The following SLC3A2 variants were observed in gnomAD, a reference collection of about 807,000 sequenced individuals.
The protein encoded by SLC3A2 is solute carrier family 3 member 2.
A neutral mutation model predicts 48.5 loss-of-function variants in SLC3A2; 32 were observed. The ratio of observed to expected loss-of-function variants is 0.66; its 90% CI spans 0.50 to 0.89. The LOEUF (loss-of-function observed/expected upper bound fraction) is 0.89, where lower values mean the gene tolerates loss of function less well. SLC3A2 is among the 40% of genes least tolerant of loss of function. The pLI, the probability that SLC3A2 is intolerant of heterozygous loss-of-function variation, is 0.00. For missense variants in SLC3A2, 587 were observed against 680.7 expected, an observed-to-expected ratio of 0.86 and a Z score of 1.53; for synonymous variants, 277 against 288.8, an observed-to-expected ratio of 0.96 and a Z score of 0.41.
chr11:62,863,994 G>C (rs761851324), intron 1 of SLC3A2, among the ~76,000 whole-genome samples: 3 of 152,142 alleles, frequency 2.0e-5, no homozygotes, highest in Non-Finnish European at 4.4e-5. Flanking sequence ...TCCTAGACTT[G>C]ATGCAGAGCC....
chr11:62,868,958 G>T (rs1590622502), intron 1 of SLC3A2, among the ~76,000 whole-genome samples: 1 of 152,004 alleles, frequency 6.6e-6, no homozygotes, highest in East Asian at 2.0e-4. Flanking sequence ...GAGTGCAGTG[G>T]TGTGATTTCA....
intron 3 of SLC3A2, chr11:62,883,409 G>A (rs2085668318): frequency 5.0e-6 from 1 of 201,728 alleles, no homozygotes; most frequent in East Asian, 1.1e-4. Context: ...CTATGTGTCT[G>A]GGACTCTATG....
At chr11:62,885,124 C>T in intron 5 of SLC3A2, 53 bp from the exon 6 acceptor site, 20 of 1,593,160 alleles carry the variant, frequency 1.3e-5, no homozygotes, top group Non-Finnish European at 1.5e-5. Flanking sequence ...AGCCACTGCG[C>T]CTGGCCCCAT....
chr11:62,888,191 G>T lies in SLC3A2; in HGVS notation c.1200G>T (p.Gly400=). 2.5e-6 allele frequency: 4 copies of T among 1,614,062 alleles called. No homozygotes were observed. Among genetic ancestry groups the T allele is most frequent in the Non-Finnish European group, 3.4e-6 (4 of 1,180,004 alleles). The stretch of plus-strand genomic sequence containing the variant: ...AGTCCAGCTTCCCTGACATCCCAGG[G>T]GCTGTAAGTGCCAACATGACTGTGA... The part of the protein sequence containing the change: ...WDESSFPDIP[G]AVSANMTVKG... The change falls in exon 8 of 9, where the codon GGG becomes GGT. Residue 400 remains glycine (G), a synonymous_variant. Transcript: ENST00000338663.
In SLC3A2 at chr11:62,881,950, G is replaced by C; in HGVS notation, c.482G>C (p.Gly161Ala). The C allele has an allele frequency of 6.2e-7, 1 of 1,614,122 alleles. No individual in the cohort carries two copies. Among genetic ancestry groups the C allele is most frequent in the Non-Finnish European group, 8.5e-7 (1 of 1,180,032 alleles). The change falls in exon 2 of 9, where the codon GGT becomes GCT. Residue 161 changes from glycine to alanine, a missense_variant. Physicochemically the swap from Gly to Ala is moderately conservative, Grantham distance 60. Transcript: ENST00000338663. The surrounding 1 kb of genome is among the most constrained non-coding windows in gnomAD (Gnocchi z 4.0). ...CTGAAGGTGAAGGGCCTTGTGCTGGGTCCAATTCACAAGAACCAGAAGGAT... is the reference window on the plus strand; with the variant it reads ...CTGAAGGTGAAGGGCCTTGTGCTGGCTCCAATTCACAAGAACCAGAAGGAT... Reference protein sequence around the residue: ...SSLKVKGLVLGPIHKNQKDDV... With the variant: ...SSLKVKGLVLAPIHKNQKDDV...
chr11:62,878,101 G>A (rs1329581884), upstream of SLC3A2, among the ~76,000 whole-genome samples: 1 of 151,888 alleles, frequency 6.6e-6, no homozygotes, highest in African/African-American at 2.4e-5. Flanking sequence ...ACAGGTTGCA[G>A]TGAGCTGAGA....
At chr11:62,885,931 G>C (rs1391883142) in intron 7 of SLC3A2, among the ~76,000 whole-genome samples, 2 of 152,160 alleles carry the variant, frequency 1.3e-5, no homozygotes, top group East Asian at 3.9e-4. Flanking sequence ...AGTGGGTACT[G>C]TGCTAGGCTC....
At chr11:62,866,385 G>A (rs924765772) in intron 1 of SLC3A2, among the ~76,000 whole-genome samples, 2 of 149,938 alleles carry the variant, frequency 1.3e-5, no homozygotes, top group Non-Finnish European at 1.5e-5. Context: ...GTTAATTGTG[G>A]TAGTTTCTTT....
chr11:62,856,404 C>T (rs2085323325), intron 1 of SLC3A2: 5 of 1,583,350 alleles, frequency 3.2e-6, no homozygotes, highest in Non-Finnish European at 4.3e-6. Flanking sequence ...GGGCTAAGCT[C>T]GGGAGGAGGT....
Position 62,881,419 on chromosome 11 carries a change from C to G in SLC3A2, c.396C>G (p.Phe132Leu), listed in dbSNP as rs749049155. ...ACCGCATCGGCGACCTTCAGGCCTT[C>G]CAGGGCCACGGCGCGGGCAACCTGG... ...ALYRIGDLQA[F>L]QGHGAGNLAG... is the part of the protein sequence containing the mutation. Residue 132 changes from phenylalanine (F) to leucine (L), a missense_variant, in exon 1 of 9, where the codon TTC becomes TTG. Around this residue, in one of 3 missense-constraint regions of SLC3A2, gnomAD observed 409 missense variants for 446.7 expected, o/e 0.92. Coordinates refer to ENST00000338663, the MANE Select transcript of SLC3A2 (RefSeq NM_001013251.3). This position sits in a 1 kb window ranked among gnomAD's most constrained non-coding sequence, Gnocchi z 4.0. 6.3e-7 allele frequency: 1 copy of G among 1,590,408 alleles called. No individual in the cohort carries two copies. The highest frequency in any genetic ancestry group is 8.5e-7 in the Non-Finnish European group (1 of 1,175,536).
chr11:62,858,700 G>A (rs1043250610), intron 1 of SLC3A2, among the ~76,000 whole-genome samples: 1 of 152,200 alleles, frequency 6.6e-6, no homozygotes, highest in Non-Finnish European at 1.5e-5. Flanking sequence ...TTGATCATTC[G>A]TGGGTGTTTC....
intron 7 of SLC3A2, chr11:62,887,872 A>G (rs1590639752): frequency 2.8e-6 from 1 of 357,894 alleles, no homozygotes; most frequent in East Asian, 5.6e-5. Flanking sequence ...GGCTCACTGC[A>G]AGCTCAAACT....
intron 1 of SLC3A2, chr11:62,870,611 G>A (rs2134988474): frequency 6.6e-6 from 1 of 151,910 alleles, no homozygotes; most frequent in Non-Finnish European, 1.5e-5. Context: ...GTCGTATATT[G>A]TTTCAAGTAT....
intron 1 of SLC3A2, chr11:62,871,815 A>G: frequency 2.8e-6 from 1 of 354,894 alleles, no homozygotes. Context: ...CAAAGTTCTC[A>G]CCACCAGATA....
chr11:62,868,979 A>G (rs961720849), intron 1 of SLC3A2, among the ~76,000 whole-genome samples: 1 of 151,788 alleles, frequency 6.6e-6, no homozygotes, highest in Non-Finnish European at 1.5e-5. Flanking sequence ...GTTCACTGCA[A>G]CTTCTGCCTC....
chr11:62,876,858 T>C, upstream of SLC3A2: 1 of 1,027,446 alleles, frequency 9.7e-7, no homozygotes, highest in South Asian at 2.0e-5. Flanking sequence ...TGCCTCGGCC[T>C]CCGGAAGTGC....
chr11:62,870,044 G>A lies in SLC3A2; in HGVS notation c.113-10975G>A, dbSNP rs571995436. Among the ~76,000 whole-genome samples, 44 of 151,998 alleles carry A rather than the reference G, an allele frequency of 2.9e-4. No individual in the cohort carries two copies. In the South Asian group the frequency reaches 8.3e-3, roughly 29 times the overall value. ...GAACTCCTGACCTTGTGATCTGCCC[G>A]CCCTGGTCTCCCAAAGTGCTGGGAT... On this transcript the variant is annotated intron_variant, in intron 1 of 9. Coordinates refer to the SLC3A2 transcript ENST00000377889.
At chr11:62,875,866 CTGTT>C (rs1430986177) in intron 1 of SLC3A2, among the ~76,000 whole-genome samples, 3 of 152,184 alleles carry the variant, frequency 2.0e-5, no homozygotes, top group Admixed American at 6.5e-5. Context: ...TGCGCCCAGC[CTGTT>C]TGTTTGTTTT....
intron 1 of SLC3A2, among the ~76,000 whole-genome samples, chr11:62,873,974 T>A (rs2085545040): frequency 2.6e-5 from 1 of 37,868 alleles, no homozygotes; most frequent in Non-Finnish European, 6.5e-5. Context: ...AGCTAATTTT[T>A]TTTTTTTTTT....
Sources: gnomAD v4.1 joint callset for allele counts (sites outside exome capture counted in the v4.1 genomes callset) on GRCh38, gnomAD v4.1.1 for gene constraint, gnomAD v4.1.1 regional missense constraint, Gnocchi (gnomAD v3.1) non-coding constraint, MANE v1.5 for transcripts, NCBI Gene and HGNC (gene_info 2026-07-23, HGNC 2026-07-21) for gene names.